Variants in EHBP1 observed in about 807,000 individuals in gnomAD.
EHBP1 encodes EH domain binding protein 1.
In EHBP1, 55 loss-of-function variants were observed where a neutral mutation model predicts 144.0. The observed-to-expected ratio is 0.38, with a 90% confidence interval of 0.31 to 0.48. The LOEUF (loss-of-function observed/expected upper bound fraction) is 0.48. EHBP1 is among the 20% of genes least tolerant of loss of function. EHBP1 has a pLI of 0.98. For synonymous variants in EHBP1, 469 were observed against 472.7 expected (o/e 0.99, Z 0.10); for missense variants, 1,200 against 1,364.2 (o/e 0.88, Z 1.90).
intron 10 of EHBP1, among the ~76,000 whole-genome samples, chr2:62,879,581 A>ACACACACC (rs1363310570): frequency 6.6e-6 from 1 of 151,582 alleles, no homozygotes; most frequent in Non-Finnish European, 1.5e-5. Flanking sequence ...ACACACACAC[A>ACACACACC]CACACACACA....
At chr2:62,817,433 T>C (rs986844939) in intron 5 of EHBP1, among the ~76,000 whole-genome samples, 4 of 151,854 alleles carry the variant, frequency 2.6e-5, no homozygotes, top group Non-Finnish European at 4.4e-5. Flanking sequence ...TTGGAGAAAG[T>C]AAGGAGGCCA....
At position 62,949,008 on chromosome 2, in the gene EHBP1, C is replaced by G. The variant is rs779464060; in HGVS notation, c.2162C>G (p.Thr721Arg). 1 of 1,613,826 alleles carries G rather than the reference C, an allele frequency of 6.2e-7. No individual in the cohort carries two copies. The highest frequency in any genetic ancestry group is 8.5e-7 in the Non-Finnish European group (1 of 1,179,924). ...RSDPESPIKK[T>R]SLSPTSKLGY... ...GATCCAGAATCTCCTATCAAAAAAA[C>G]AAGTTTATCTCCTACTTCTAAACTT... is the stretch of plus-strand genomic sequence containing the variant. The change falls in exon 13 of 23, where the codon ACA (threonine) becomes AGA (arginine). Residue 721 changes from threonine (T) to arginine (R), a missense_variant. Physicochemically the swap from Thr to Arg is moderately conservative, Grantham distance 71. Around this residue, in one of 6 missense-constraint regions of EHBP1, gnomAD observed 543 missense variants for 513.1 expected, o/e 1.06. Transcript: ENST00000431489.
chr2:62,954,243 T>G (rs926064239), intron 13 of EHBP1, among the ~76,000 whole-genome samples: 8 of 152,330 alleles, frequency 5.3e-5, no homozygotes, highest in African/African-American at 1.9e-4. Flanking sequence ...CATTGCTTAT[T>G]ATTAGTGGGA....
chr2:62,756,111 A>C (rs80100878), intron 3 of EHBP1, among the ~76,000 whole-genome samples: 1 of 141,480 alleles, frequency 7.1e-6, no homozygotes, highest in African/African-American at 2.6e-5. Context: ...CCCTCTCTAC[A>C]AAAAAAAAAA....
intron 1 of EHBP1, among the ~76,000 whole-genome samples, chr2:62,678,810 T>A (rs992604544): frequency 1.3e-5 from 2 of 152,214 alleles, no homozygotes; most frequent in South Asian, 2.1e-4. Context: ...GTGCTCTACA[T>A]TTTTATTACA....
intron 21 of EHBP1, 100 bp downstream of exon 21, chr2:63,038,916 AG>A: frequency 8.8e-7 from 1 of 1,133,180 alleles, no homozygotes; most frequent in South Asian, 1.4e-5. Context: ...CTGGTGTACT[AG>A]GGACCTTCCG....
At chr2:62,935,351 A>G (rs1219325564) in intron 10 of EHBP1, among the ~76,000 whole-genome samples, 1 of 147,148 alleles carries the variant, frequency 6.8e-6, no homozygotes, top group African/African-American at 2.5e-5. Context: ...AAAAATATAT[A>G]TATATATATA....
At chr2:62,760,327 C>G (rs144901127) in intron 3 of EHBP1, among the ~76,000 whole-genome samples, 3 of 151,988 alleles carry the variant, frequency 2.0e-5, no homozygotes, top group African/African-American at 7.2e-5. Flanking sequence ...GTTGTACAGC[C>G]CCAGAAGGAA....
intron 5 of EHBP1, among the ~76,000 whole-genome samples, chr2:62,776,600 A>G (rs574791001): frequency 9.2e-4 from 140 of 152,336 alleles, no homozygotes; most frequent in African/African-American, 3.3e-3. Flanking sequence ...TCTCAAAGCA[A>G]TGACAAGGCA....
At chr2:62,911,221 AG>A (rs1236646890) in intron 10 of EHBP1, among the ~76,000 whole-genome samples, 2 of 152,130 alleles carry the variant, frequency 1.3e-5, no homozygotes, top group African/African-American at 2.4e-5. Context: ...TCTCTCCCTC[AG>A]TGTGCTCATC....
rs148748388 is a variant in EHBP1 at position 63,029,282 on chromosome 2, G to GT, written c.3104-8253_3104-8252insT. 2.0e-5 allele frequency among the ~76,000 whole-genome samples: 3 copies of GT among 151,936 alleles called. No homozygotes were observed. In the East Asian group the frequency reaches 5.8e-4, roughly 29 times the overall value. On this transcript the variant is annotated intron_variant, in intron 19 of 22. Coordinates refer to ENST00000431489, the MANE Select transcript of EHBP1 (RefSeq NM_001142616.3). ...CCAGCTGCAGAGATGGGTTTGTACT[G>GT]ATTCACCCACATTTTTCACCTATCC...
At chr2:62,887,612 C>A (rs2052049296) in intron 10 of EHBP1, among the ~76,000 whole-genome samples, 1 of 150,966 alleles carries the variant, frequency 6.6e-6, no homozygotes, top group Non-Finnish European at 1.5e-5. Flanking sequence ...GGGTGCCACA[C>A]ACCTGTAGTC....
At chr2:62,900,682 G>C (rs941830213) in intron 10 of EHBP1, among the ~76,000 whole-genome samples, 2 of 144,426 alleles carry the variant, frequency 1.4e-5, no homozygotes, top group Non-Finnish European at 3.0e-5. Flanking sequence ...GTGTGTGTAT[G>C]TGTATATATA....
At position 62,897,238 on chromosome 2, in the gene EHBP1, T is replaced by C. The variant is rs929272022; in HGVS notation, c.1185+22706T>C. On this transcript the variant is annotated intron_variant, in intron 10 of 22. Transcript: ENST00000431489. ...CACTGGTCTGCCTCCTTAATTTTGC[T>C]CTTCTCATTTAACAGTTATCCTAGA... 5.9e-5 allele frequency among the ~76,000 whole-genome samples: 9 copies of C among 152,318 alleles called. No individual in the cohort carries two copies. The South Asian group carries it at 1.9e-3, about 32-fold the overall frequency.
Position 62,987,290 on chromosome 2 carries a change from T to C in EHBP1, c.2609-3426T>C, listed in dbSNP as rs182786668. ...GGATATAAAAAATTATGTAAGACTT[T>C]CTCATTCCCGTATATTTAATTTTGG... On this transcript the variant is annotated intron_variant, in intron 15 of 22. Transcript: ENST00000431489. 2.6e-4 allele frequency among the ~76,000 whole-genome samples: 40 copies of C among 152,310 alleles called. No individual in the cohort carries two copies. In the East Asian group the frequency reaches 7.7e-3, roughly 29 times the overall value.
At chr2:63,024,965 T>C (rs760868904) in intron 19 of EHBP1, among the ~76,000 whole-genome samples, 2 of 149,886 alleles carry the variant, frequency 1.3e-5, no homozygotes, top group Non-Finnish European at 3.0e-5. Context: ...TCCCGAATTC[T>C]AGCCTGGGCA....
chr2:62,673,911 C>T, exon 1 of EHBP1: 1 of 405,718 alleles, frequency 2.5e-6, no homozygotes, highest in East Asian at 7.2e-5. Context: ...AGAGAGACTC[C>T]AGCGAGAGAC....
intron 10 of EHBP1, among the ~76,000 whole-genome samples, chr2:62,937,493 G>C (rs921779782): frequency 1.3e-5 from 2 of 152,120 alleles, no homozygotes; most frequent in Admixed American, 1.3e-4. Flanking sequence ...GAGAAGAACT[G>C]AATATATTAT....
At chr2:63,011,206 A>C (rs1420188359) in intron 19 of EHBP1, among the ~76,000 whole-genome samples, 1 of 151,698 alleles carries the variant, frequency 6.6e-6, no homozygotes, top group Non-Finnish European at 1.5e-5. Flanking sequence ...TGAGAAAAGA[A>C]GTTTGCTTAA....
Sources: allele counts gnomAD v4.1 joint callset (sites outside exome capture counted in the v4.1 genomes callset), GRCh38; gene constraint gnomAD v4.1.1; regional missense constraint gnomAD v4.1.1; transcripts MANE v1.5; gene names NCBI Gene and HGNC (gene_info 2026-07-23, HGNC 2026-07-21).